The following ZCCHC17 variants were observed in gnomAD, a reference collection of about 807,000 sequenced individuals.
ZCCHC17 encodes zinc finger CCHC-type containing 17, also known as zinc finger CCHC domain-containing protein 17.
Under a neutral mutation model 30.6 loss-of-function variants are expected in ZCCHC17, and 18 were observed. The observed-to-expected ratio is 0.59, with a 90% CI of 0.41 to 0.87. The LOEUF (loss-of-function observed/expected upper bound fraction) is 0.87, where lower values mean the gene tolerates loss of function less well. ZCCHC17 is among the 40% of genes least tolerant of loss of function. The pLI is 0.00. For synonymous variants in ZCCHC17, 88 were observed against 92.4 expected (o/e 0.95, Z 0.27); for missense variants, 263 against 284.2 (o/e 0.93, Z 0.54).
At chr1:31,302,280 A>G (rs1646333153) in intron 1 of ZCCHC17, among the ~76,000 whole-genome samples, 1 of 151,034 alleles carries the variant, frequency 6.6e-6, no homozygotes, top group Admixed American at 6.6e-5. Context: ...AACATATTAA[A>G]TGGGACCTAG....
Sources: gnomAD v4.1 joint callset for allele counts (sites outside exome capture counted in the v4.1 genomes callset) on GRCh38, gnomAD v4.1.1 for gene constraint, MANE v1.5 for transcripts, NCBI Gene and HGNC (gene_info 2026-07-23, HGNC 2026-07-21) for gene names.